Variants in CCDC192 observed in about 807,000 individuals in gnomAD.
CCDC192 encodes the protein coiled-coil domain-containing protein 192.
At chr5:127,771,757 G>A (rs1266268858) in intron 3 of CCDC192, among the ~76,000 whole-genome samples, 1 of 152,210 alleles carries the variant, frequency 6.6e-6, no homozygotes, top group African/African-American at 2.4e-5. Flanking sequence ...TAATAATGTT[G>A]CAGGACTTTT....
At chr5:127,707,400 T>G (rs1314801437) in intron 1 of CCDC192, among the ~76,000 whole-genome samples, 1 of 93,330 alleles carries the variant, frequency 1.1e-5, no homozygotes, top group Non-Finnish European at 2.2e-5. Flanking sequence ...TGCTTTCCTC[T>G]CCCCACTTTT....
intron 5 of CCDC192, among the ~76,000 whole-genome samples, chr5:127,826,740 T>C (rs1749550840): frequency 6.6e-6 from 1 of 150,810 alleles, no homozygotes; most frequent in Non-Finnish European, 1.5e-5. Context: ...TCACGTAATA[T>C]ACCCAGGTAA....
At chr5:127,916,745 A>G (rs903015891) in intron 6 of CCDC192, among the ~76,000 whole-genome samples, 15 of 152,234 alleles carry the variant, frequency 9.9e-5, no homozygotes, top group African/African-American at 3.4e-4. Flanking sequence ...AAGCCATGCT[A>G]TAATCTGATG....
At chr5:127,899,841 A>G (rs531434520) in intron 6 of CCDC192, among the ~76,000 whole-genome samples, 2 of 152,340 alleles carry the variant, frequency 1.3e-5, no homozygotes, top group Non-Finnish European at 2.9e-5. Flanking sequence ...AGGAATGGCA[A>G]TGGGCATCAC....
At chr5:127,913,128 G>C (rs1358622472) in intron 6 of CCDC192, among the ~76,000 whole-genome samples, 1 of 152,166 alleles carries the variant, frequency 6.6e-6, no homozygotes, top group Non-Finnish European at 1.5e-5. Flanking sequence ...TTAAGTCCCA[G>C]CTCCATAATT....
At chr5:127,716,564 A>C (rs1751632849) in intron 2 of CCDC192, among the ~76,000 whole-genome samples, 2 of 151,976 alleles carry the variant, frequency 1.3e-5, no homozygotes, top group South Asian at 4.2e-4. Context: ...CAATCTTCTT[A>C]TTTGTTATTG....
chr5:127,818,186 T>C (rs1749118685), intron 5 of CCDC192, among the ~76,000 whole-genome samples: 1 of 152,208 alleles, frequency 6.6e-6, no homozygotes, highest in Non-Finnish European at 1.5e-5. Flanking sequence ...ATAAATAAAT[T>C]GCTACCTCTT....
rs115703567 is a variant in CCDC192, at chr5:127,876,691, C to T, written c.535+1030C>T. Among the ~76,000 whole-genome samples the T allele has an allele frequency of 8.0e-3, 1,217 of 152,244 alleles. 19 individuals carry two copies. The highest frequency in any genetic ancestry group is 0.028 in the African/African-American group (1,153 of 41,532). Reference sequence around the variant, plus strand: ...TCTTACTCTGGCTTTCTTTATTACTCATGAGTAATTGTGGAAAAAGAGGAG... The same window carrying T: ...TCTTACTCTGGCTTTCTTTATTACTTATGAGTAATTGTGGAAAAAGAGGAG... On this transcript the variant is annotated intron_variant, in intron 6 of 6. Transcript: ENST00000514853.
Position 127,790,833 on chromosome 5 carries a change from A to G in CCDC192, c.223-6270A>G, listed in dbSNP as rs1057113212. ...TTTTTAAGCTCTGAGAAACTTGGGC[A>G]TAGCTTCCTTTTTATTGCTTTTTAA... On this transcript the variant is annotated intron_variant, in intron 3 of 6. Transcript: ENST00000514853. 3.3e-5 allele frequency among the ~76,000 whole-genome samples: 5 copies of G among 152,374 alleles called. No individual in the cohort carries two copies. In the East Asian group the frequency reaches 9.6e-4, roughly 29 times the overall value.
chr5:127,819,256 C>G (rs999461231), intron 5 of CCDC192, among the ~76,000 whole-genome samples: 1 of 152,160 alleles, frequency 6.6e-6, no homozygotes, highest in Admixed American at 6.5e-5. Context: ...GACTTTCCCT[C>G]AAGAGATGCC....
chr5:127,737,311 C>A (rs1443919564), intron 2 of CCDC192, among the ~76,000 whole-genome samples: 1 of 152,028 alleles, frequency 6.6e-6, no homozygotes, highest in East Asian at 1.9e-4. Flanking sequence ...GTTATAATTT[C>A]TGTTCTTTTA....
At chr5:127,765,500 G>A (rs1020023294) in intron 3 of CCDC192, among the ~76,000 whole-genome samples, 6 of 152,102 alleles carry the variant, frequency 3.9e-5, no homozygotes, top group Middle Eastern at 3.4e-3. Flanking sequence ...AGTAGATATA[G>A]CCCACATTAA....
chr5:127,858,931 T>A (rs185292758), intron 5 of CCDC192, among the ~76,000 whole-genome samples: 238 of 128,374 alleles, frequency 1.9e-3, no homozygotes, highest in African/African-American at 5.4e-3. Context: ...CACTTTTGTG[T>A]GCTTATAAAA....
chr5:127,803,845 C>T (rs1283296619), intron 5 of CCDC192, among the ~76,000 whole-genome samples: 4 of 152,222 alleles, frequency 2.6e-5, no homozygotes, highest in African/African-American at 9.7e-5. Context: ...ATTCTCTATA[C>T]TGTCCTGTAT....
At chr5:127,792,751 G>A (rs149920638) in intron 3 of CCDC192, among the ~76,000 whole-genome samples, 2 of 150,928 alleles carry the variant, frequency 1.3e-5, no homozygotes, top group African/African-American at 4.9e-5. Context: ...AAAGGAGAAG[G>A]AGAAAGACAA....
chr5:127,716,627 G>T (rs893236547), intron 2 of CCDC192, among the ~76,000 whole-genome samples: 1 of 152,116 alleles, frequency 6.6e-6, no homozygotes, highest in Non-Finnish European at 1.5e-5. Flanking sequence ...GGTTGTATGT[G>T]TCCAGGAAGT....
chr5:127,928,869 A>G (rs1753939271), intron 6 of CCDC192, among the ~76,000 whole-genome samples: 7 of 151,898 alleles, frequency 4.6e-5, no homozygotes. Context: ...AGCTTCAAGC[A>G]ATTCTCCTGC....
chr5:127,821,713 C>T (rs1461376358), intron 5 of CCDC192, among the ~76,000 whole-genome samples: 1 of 152,212 alleles, frequency 6.6e-6, no homozygotes, highest in African/African-American at 2.4e-5. Context: ...TCAAGTACCT[C>T]CTCAGGTGGT....
At chr5:127,759,629 T>C (rs1754800175) in intron 3 of CCDC192, among the ~76,000 whole-genome samples, 1 of 152,224 alleles carries the variant, frequency 6.6e-6, no homozygotes, top group South Asian at 2.1e-4. Flanking sequence ...ACTAAGACAG[T>C]AGGTTCTCAA....
Sources: gnomAD v4.1 joint callset for allele counts (sites outside exome capture counted in the v4.1 genomes callset) on GRCh38, gnomAD v4.1.1 for gene constraint, MANE v1.5 for transcripts, NCBI Gene and HGNC (gene_info 2026-07-23, HGNC 2026-07-21) for gene names.